SUV39H1: variants seen among roughly 807,000 people sequenced by gnomAD.
SUV39H1 encodes histone-lysine N-methyltransferase SUV39H1.
For synonymous variants in SUV39H1, 141 were observed against 150.5 expected (o/e 0.94, Z 0.46); for missense variants, 180 against 386.3 (o/e 0.47, Z 4.48).
At chrX:48,699,076 G>A in intron 2 of SUV39H1, 29 bp downstream of exon 2, 1 of 1,188,587 alleles carries the variant, frequency 8.4e-7, no homozygotes, top group South Asian at 1.9e-5. Context: ...TGCTCTGGGA[G>A]GGGACAGGTC....
Position 48,707,685 on chromosome X carries a change from C to G in SUV39H1, c.*115C>G, listed in dbSNP as rs782492605. 1 of 933,078 alleles carries G rather than the reference C, an allele frequency of 1.1e-6. No homozygotes were observed. The highest frequency in any genetic ancestry group is 2.1e-5 in the South Asian group (1 of 47,220). 76.9% of individuals were successfully genotyped at this position (933,078 alleles called of 1,213,427 possible). ...AGGGCCTCGCCTGCCTCCACCTGCC[C>G]CCACCTGCTCCTACCTGCTCTACGT... On this transcript the variant is annotated 3_prime_UTR_variant, in exon 6 of 6. Transcript: ENST00000376687.
At chrX:48,702,782 C>T (rs781931780) in intron 3 of SUV39H1, among the ~76,000 whole-genome samples, 1 of 111,360 alleles carries the variant, frequency 9.0e-6, no homozygotes, top group South Asian at 3.8e-4. Context: ...CCTCACCCTT[C>T]CTGCTCTCCA....
upstream of SUV39H1, chrX:48,695,564 C>G (rs2089833290): frequency 2.8e-6 from 3 of 1,066,665 alleles, no homozygotes; most frequent in Non-Finnish European, 3.6e-6. Context: ...GATCAACTAT[C>G]CACGCTGCTC....
chrX:48,699,029 C>T lies in SUV39H1; in HGVS notation c.147C>T (p.Cys49=), dbSNP rs782155743. The stretch of plus-strand genomic sequence containing the variant: ...ATGACTTTGAAGTCGAGTACCTGTG[C>T]GATTACAAGAAGATCCGCGTGAGTC... ...NLYDFEVEYL[C]DYKKIREQEY... Residue 49 remains cysteine (C), a synonymous_variant, in exon 2 of 6, where the codon TGC becomes TGT. Coordinates refer to ENST00000376687, the MANE Select transcript of SUV39H1 (RefSeq NM_003173.4). 5.0e-6 allele frequency: 6 copies of T among 1,209,092 alleles called. No individual in the cohort carries two copies. The highest frequency in any genetic ancestry group is 5.9e-5 in the East Asian group (2 of 33,768).
Position 48,696,899 on chromosome X carries a change from C to G in SUV39H1, c.19+96C>G, listed in dbSNP as rs868962349. On this transcript the variant is annotated intron_variant, in intron 1 of 5. Coordinates refer to ENST00000376687, the MANE Select transcript of SUV39H1 (RefSeq NM_003173.4). ...CTCGGGGCCCCGGCGTCCGAGGCCC[C>G]GGCGCCGGGAGCCGGAAGCTCGGCG... The G allele has an allele frequency of 6.0e-3, 3,562 of 596,687 alleles. 13 individuals are homozygous for G. Among genetic ancestry groups the G allele is most frequent in the Non-Finnish European group, 6.7e-3 (3,105 of 460,247 alleles). 49.2% of individuals were successfully genotyped at this position (596,687 alleles called of 1,213,427 possible). A position where few individuals can be genotyped will look rare whatever the true frequency, so the allele number is the denominator to read the frequency against.
At chrX:48,696,572 G>A (rs185038817), upstream of SUV39H1, 681 of 375,291 alleles carry the variant, frequency 1.8e-3, 4 homozygotes, top group African/African-American at 0.017. Context: ...TGCCGCCGCC[G>A]CCCAGACGCA....
In SUV39H1 at chrX:48,707,586, G is replaced by A; in HGVS notation, c.*16G>A. On this transcript the variant is annotated 3_prime_UTR_variant, in exon 6 of 6. Coordinates refer to ENST00000376687, the MANE Select transcript of SUV39H1 (RefSeq NM_003173.4). ...CCTCTTCTAGCCCTTAGAAGTCTGAGGCCAGACTGACTGAGGGGGCCTGAA... is the reference window on the plus strand; with the variant it reads ...CCTCTTCTAGCCCTTAGAAGTCTGAAGCCAGACTGACTGAGGGGGCCTGAA... The A allele has an allele frequency of 8.3e-7, 1 of 1,209,896 alleles. No individual in the cohort carries two copies.
intron 3 of SUV39H1, chrX:48,701,036 C>T (rs1020197757): frequency 7.4e-6 from 3 of 406,321 alleles, no homozygotes; most frequent in Admixed American, 3.5e-5. Flanking sequence ...AGCTGAGATC[C>T]AGGCAGCCTT....
intron 3 of SUV39H1, among the ~76,000 whole-genome samples, chrX:48,702,447 G>C (rs1450910256): frequency 9.0e-6 from 1 of 111,255 alleles, no homozygotes; most frequent in Non-Finnish European, 1.9e-5. Context: ...GACAGTATCG[G>C]GGGAAGTGTC....
chrX:48,695,781 A>C (rs1352186536), upstream of SUV39H1: 1 of 1,154,509 alleles, frequency 8.7e-7, no homozygotes, highest in Non-Finnish European at 1.1e-6. Context: ...CCCTGATAGA[A>C]TCTCAGCTTC....
At chrX:48,695,836 GC>G, upstream of SUV39H1, 1 of 1,156,022 alleles carries the variant, frequency 8.7e-7, no homozygotes, top group Non-Finnish European at 1.1e-6. Context: ...GGGATGAGTC[GC>G]CTGAGAAATG....
intron 5 of SUV39H1, 59 bp from the exon 6 acceptor site, chrX:48,707,378 C>G: frequency 9.1e-7 from 1 of 1,098,526 alleles, no homozygotes. Context: ...TCCCTCCCTC[C>G]TTCTCCCCCT....
chrX:48,703,542 G>C (rs782713102), intron 3 of SUV39H1, among the ~76,000 whole-genome samples: 3 of 111,987 alleles, frequency 2.7e-5, no homozygotes, highest in African/African-American at 6.5e-5. Flanking sequence ...CCTCACCCAA[G>C]AGACAATGCC....
In SUV39H1 at chrX:48,707,619, G is replaced by A; in HGVS notation, c.*49G>A. ...TGACTGAGGGGGCCTGAAGCTACATGCACCTCCCCCACTGCTGCCCTCCTG... is the reference window on the plus strand; with the variant it reads ...TGACTGAGGGGGCCTGAAGCTACATACACCTCCCCCACTGCTGCCCTCCTG... On this transcript the variant is annotated 3_prime_UTR_variant, in exon 6 of 6. Transcript: ENST00000376687. 1 of 1,197,167 alleles carries A rather than the reference G, an allele frequency of 8.4e-7. No individual in the cohort carries two copies. Among genetic ancestry groups the A allele is most frequent in the Non-Finnish European group, 1.1e-6 (1 of 884,235 alleles).
chrX:48,695,613 A>T, upstream of SUV39H1: 2 of 1,089,759 alleles, frequency 1.8e-6, no homozygotes, highest in Non-Finnish European at 2.4e-6. Context: ...GGGTGCTCTG[A>T]CTGACTGATC....
rs782737889 is a variant in SUV39H1 at position 48,698,212 on chromosome X, CT to C, written c.20-688del. ...CAAAAGTAGATTATAAAGTGGAACT[CT>C]TCTGTGAGGCTATTTTATATCTCTA... is the stretch of plus-strand genomic sequence containing the variant. On this transcript the variant is annotated intron_variant, in intron 1 of 5. Coordinates refer to ENST00000376687, the MANE Select transcript of SUV39H1 (RefSeq NM_003173.4). Among the ~76,000 whole-genome samples the C allele has an allele frequency of 2.0e-4, 22 of 112,157 alleles. No homozygotes were observed. The East Asian group carries it at 5.3e-3, about 27-fold the overall frequency.
chrX:48,696,390 G>T (rs1415052690), upstream of SUV39H1, among the ~76,000 whole-genome samples: 2 of 112,036 alleles, frequency 1.8e-5, no homozygotes, highest in African/African-American at 6.5e-5. Flanking sequence ...GCCCCGGCCT[G>T]CTTGGGGTTA....
In SUV39H1 at chrX:48,708,173, G is replaced by C; in HGVS notation, c.*603G>C. The C allele has an allele frequency of 6.8e-6, 1 of 146,066 alleles. No individual in the cohort carries two copies. The highest frequency in any genetic ancestry group is 1.6e-4 in the South Asian group (1 of 6,298). The allele number at this position is 146,066 out of a possible 1,213,427, so 12.0% of individuals were successfully genotyped here. A position where few individuals can be genotyped will look rare whatever the true frequency, so the allele number is the denominator to read the frequency against. On this transcript the variant is annotated 3_prime_UTR_variant, in exon 6 of 6. Coordinates refer to ENST00000376687, the MANE Select transcript of SUV39H1 (RefSeq NM_003173.4). ...TAAGAGCTGTAGGGTCTCTTCTTCAGGGCTGCATATCTGAGAAGTGGATGC... is the reference window on the plus strand; with the variant it reads ...TAAGAGCTGTAGGGTCTCTTCTTCACGGCTGCATATCTGAGAAGTGGATGC...
rs782061765 is a variant in SUV39H1 at position 48,697,133 on chromosome X, C to T, written c.19+330C>T. 2.7e-5 allele frequency among the ~76,000 whole-genome samples: 3 copies of T among 110,984 alleles called. No individual in the cohort carries two copies. The South Asian group carries it at 1.1e-3, about 42-fold the overall frequency. Reference sequence around the variant, plus strand: ...CGCCCGCGCGCGGGAAAATCGGCCCCTGGTGACCGTTACCCATTCGGTGTC... The same window carrying T: ...CGCCCGCGCGCGGGAAAATCGGCCCTTGGTGACCGTTACCCATTCGGTGTC... On this transcript the variant is annotated intron_variant, in intron 1 of 5. Coordinates refer to ENST00000376687, the MANE Select transcript of SUV39H1 (RefSeq NM_003173.4).
Sources: allele counts gnomAD v4.1 joint callset (sites outside exome capture counted in the v4.1 genomes callset), GRCh38; gene constraint gnomAD v4.1.1; transcripts MANE v1.5; gene names NCBI Gene and HGNC (gene_info 2026-07-23, HGNC 2026-07-21).